The following JMY variants were observed in gnomAD, a reference collection of about 807,000 sequenced individuals.
JMY encodes the protein junction mediating and regulatory protein, p53 cofactor.
JMY carries 46 observed loss-of-function variants against 103.3 expected under a neutral mutation model. The ratio of observed to expected loss-of-function variants is 0.45; its 90% CI spans 0.35 to 0.57. JMY has a LOEUF of 0.57. JMY is among the 20% of genes least tolerant of loss of function. JMY has a pLI of 0.00. For missense variants in JMY, 1,238 were observed against 1,255.2 expected (o/e 0.99, Z 0.21); for synonymous variants, 526 against 489.3 (o/e 1.07, Z -0.99).
intron 1 of JMY, among the ~76,000 whole-genome samples, chr5:79,245,015 G>C (rs1744848605): frequency 6.6e-6 from 1 of 151,974 alleles, no homozygotes; most frequent in Non-Finnish European, 1.5e-5. Context: ...AAATGTGGGG[G>C]ATTGTCCTTT....
At chr5:79,314,195 G>A in intron 8 of JMY, 62 bp from the exon 9 acceptor site, 1 of 1,536,694 alleles carries the variant, frequency 6.5e-7, no homozygotes, top group Non-Finnish European at 8.7e-7. Context: ...AAATAAATAG[G>A]CATGTGCTCA....
rs763354127 is a variant in JMY at position 79,314,668 on chromosome 5, C to G, written c.2476C>G (p.Leu826Val). 1 of 1,606,536 alleles carries G rather than the reference C, an allele frequency of 6.2e-7. No homozygotes were observed. Among genetic ancestry groups the G allele is most frequent in the Non-Finnish European group, 8.5e-7 (1 of 1,177,276 alleles). The change falls in exon 9 of 11, where the codon CTG becomes GTG. Residue 826 changes from leucine to valine, a missense_variant. By Grantham distance (32) the Leu-to-Val change is conservative (BLOSUM62 1). Transcript: ENST00000396137. ...PPPPPPPPPPLPVAKDSGPET... is the reference protein window; with the variant it reads ...PPPPPPPPPPVPVAKDSGPET... ...TCCCCCTCCCCCACCACCACCACCTCTGCCTGTTGCTAAGGACAGTGGCCC... is the reference window on the plus strand; with the variant it reads ...TCCCCCTCCCCCACCACCACCACCTGTGCCTGTTGCTAAGGACAGTGGCCC...
chr5:79,284,064 T>A (rs1746198978), intron 2 of JMY: 10 of 1,044,004 alleles, frequency 9.6e-6, no homozygotes, highest in East Asian at 5.6e-5. Context: ...TTTTTTTATT[T>A]TTTTATTTTA....
intron 6 of JMY, among the ~76,000 whole-genome samples, chr5:79,305,711 A>G (rs1163392551): frequency 6.6e-6 from 1 of 152,108 alleles, no homozygotes; most frequent in Non-Finnish European, 1.5e-5. Flanking sequence ...TAATTTTGAT[A>G]ATTTTGACTT....
intron 2 of JMY, among the ~76,000 whole-genome samples, chr5:79,287,474 T>TGCTG (rs539031447): frequency 2.4e-3 from 372 of 152,308 alleles, no homozygotes; most frequent in Non-Finnish European, 4.8e-3. Flanking sequence ...ATGTTACAGC[T>TGCTG]GCTGAGTTTT....
At chr5:79,264,685 T>C (rs1052821196) in intron 1 of JMY, among the ~76,000 whole-genome samples, 19 of 152,190 alleles carry the variant, frequency 1.2e-4, no homozygotes, top group Non-Finnish European at 4.4e-5. Flanking sequence ...GGAGAGAAAC[T>C]AGGCTGATTT....
intron 1 of JMY, among the ~76,000 whole-genome samples, chr5:79,247,387 C>A (rs6869008): frequency 6.6e-6 from 1 of 151,986 alleles, no homozygotes; most frequent in Admixed American, 6.6e-5. Context: ...ACTGCAACCT[C>A]CACCTCTCGG....
At chr5:79,256,958 A>G (rs1157842123) in intron 1 of JMY, among the ~76,000 whole-genome samples, 1 of 151,978 alleles carries the variant, frequency 6.6e-6, no homozygotes, top group African/African-American at 2.4e-5. Flanking sequence ...TTATTTGCTG[A>G]AGTCACTATA....
rs550988283 is a variant in JMY at position 79,238,382 on chromosome 5, C to T, written c.1032+700C>T. Among the ~76,000 whole-genome samples the T allele has an allele frequency of 3.3e-5, 5 of 151,710 alleles. No homozygotes were observed. In the South Asian group the frequency reaches 1.0e-3, roughly 32 times the overall value. ...TACTGTAGAAGTACAAAAGCCTTTT[C>T]AAACTAATCCTTAAAATAACAAAAA... On this transcript the variant is annotated intron_variant, in intron 1 of 10. Coordinates refer to ENST00000396137, the MANE Select transcript of JMY (RefSeq NM_152405.5).
At chr5:79,310,467 A>G (rs991900280) in intron 7 of JMY, among the ~76,000 whole-genome samples, 3 of 152,214 alleles carry the variant, frequency 2.0e-5, no homozygotes, top group African/African-American at 7.2e-5. Context: ...AATCCATTAA[A>G]TAACTAGTCA....
chr5:79,323,500 T>C lies in JMY; in HGVS notation c.*1898T>C, dbSNP rs527532986. ...CCCAAAGAGTGATTGGTTATATGAA[T>C]ATATTTGAAAAAGTTAAAGCAAATT... On this transcript the variant is annotated 3_prime_UTR_variant, in exon 11 of 11. Transcript: ENST00000396137. The C allele has an allele frequency of 8.5e-5, 13 of 152,348 alleles. No homozygotes were observed. The highest frequency in any genetic ancestry group is 3.9e-4 in the East Asian group (2 of 5,190). 9.4% of individuals were successfully genotyped at this position (152,348 alleles called of 1,614,324 possible).
intron 9 of JMY, among the ~76,000 whole-genome samples, chr5:79,315,571 A>C (rs1176163431): frequency 6.6e-6 from 1 of 152,226 alleles, no homozygotes; most frequent in Non-Finnish European, 1.5e-5. Flanking sequence ...AGGATTTCAC[A>C]TGTAAAACAA....
chr5:79,282,169 T>C (rs960383832), intron 2 of JMY, among the ~76,000 whole-genome samples: 19 of 152,130 alleles, frequency 1.2e-4, no homozygotes, highest in African/African-American at 4.1e-4. Context: ...ATCATGCCAC[T>C]GCATTCCAAC....
Position 79,290,271 on chromosome 5 carries a change from G to T in JMY, c.1357G>T (p.Ala453Ser). 3 of 1,461,798 alleles carry T rather than the reference G, an allele frequency of 2.1e-6. No individual in the cohort carries two copies. The highest frequency in any genetic ancestry group is 1.6e-5 in the South Asian group (1 of 63,792). 90.6% of individuals were successfully genotyped at this position (1,461,798 alleles called of 1,614,324 possible). ...YFEITAKAQK[A>S]VYDRMRADQK... ...TGAAATAACAGCTAAAGCTCAAAAA[G>T]GTAGGTTTCTCAGTAAATTTATCCT... The change falls in exon 3 of 11, where the codon GCT (alanine) becomes TCT (serine). Residue 453 changes from alanine to serine, a missense_variant and splice_region_variant. Ala to Ser is a moderately conservative substitution (Grantham distance 99, BLOSUM62 1). Transcript: ENST00000396137.
At chr5:79,306,315 TGTG>T in intron 6 of JMY, 57 bp from the exon 7 acceptor site, 1 of 1,154,982 alleles carries the variant, frequency 8.7e-7, no homozygotes, top group East Asian at 2.3e-5. Flanking sequence ...TTAACCTTGG[TGTG>T]GTGTTCAGAG....
chr5:79,276,303 G>A (rs1037664358), intron 1 of JMY, among the ~76,000 whole-genome samples: 3 of 151,992 alleles, frequency 2.0e-5, no homozygotes, highest in Admixed American at 6.6e-5. Context: ...AATTTTAGTA[G>A]AGGTGGGGTT....
At chr5:79,289,296 C>G (rs1315005489) in intron 2 of JMY, among the ~76,000 whole-genome samples, 1 of 147,516 alleles carries the variant, frequency 6.8e-6, no homozygotes. Flanking sequence ...GAATTCATTA[C>G]TAGCTTTTTA....
chr5:79,320,531 G>A (rs988773509), intron 10 of JMY, among the ~76,000 whole-genome samples: 38 of 151,784 alleles, frequency 2.5e-4, no homozygotes, highest in African/African-American at 7.7e-4. Flanking sequence ...GACTGGTCTC[G>A]AACTCCTGAC....
intron 4 of JMY, among the ~76,000 whole-genome samples, chr5:79,293,436 A>G (rs1746480181): frequency 6.6e-6 from 1 of 151,750 alleles, no homozygotes. Context: ...TTAGTTAGTT[A>G]AAATAGAGAC....
Sources: allele counts gnomAD v4.1 joint callset (sites outside exome capture counted in the v4.1 genomes callset), GRCh38; gene constraint gnomAD v4.1.1; transcripts MANE v1.5; gene names NCBI Gene and HGNC (gene_info 2026-07-23, HGNC 2026-07-21).